The following ANO4 variants were observed in gnomAD, a reference collection of about 807,000 sequenced individuals.
The protein encoded by ANO4 is anoctamin-4.
Under a neutral mutation model 141.9 loss-of-function variants are expected in ANO4, and 69 were observed. That is an observed-to-expected ratio of 0.49 (90% CI 0.40 to 0.59). The LOEUF (loss-of-function observed/expected upper bound fraction) is 0.59. ANO4 is among the 20% of genes least tolerant of loss of function. The pLI is 0.00. For missense variants in ANO4, 894 were observed against 1,162.2 expected (o/e 0.77, Z 3.36); for synonymous variants, 350 against 394.3 (o/e 0.89, Z 1.33).
chr12:101,109,747 A>T (rs1246004106), intron 22 of ANO4, among the ~76,000 whole-genome samples: 4 of 152,140 alleles, frequency 2.6e-5, no homozygotes, highest in Admixed American at 2.6e-4. Flanking sequence ...GCCTACAAAA[A>T]TTATTACTGT....
At chr12:100,896,283 G>T (rs149811173) in intron 1 of ANO4, among the ~76,000 whole-genome samples, 1 of 152,116 alleles carries the variant, frequency 6.6e-6, no homozygotes, top group Non-Finnish European at 1.5e-5. Flanking sequence ...CACAACCAGC[G>T]TCCTTATAAG....
chr12:100,927,654 G>A (rs2136124424), intron 3 of ANO4, among the ~76,000 whole-genome samples: 1 of 152,186 alleles, frequency 6.6e-6, no homozygotes, highest in African/African-American at 2.4e-5. Flanking sequence ...GTCATTCAAA[G>A]GTTATACTGT....
At chr12:100,734,721 G>A (rs534851038) in intron 2 of ANO4, among the ~76,000 whole-genome samples, 46 of 152,282 alleles carry the variant, frequency 3.0e-4, no homozygotes, top group African/African-American at 4.3e-4. Context: ...ACACTATGCC[G>A]TGGCTTCTCA....
At chr12:100,870,729 A>G (rs1321215236) in intron 1 of ANO4, among the ~76,000 whole-genome samples, 2 of 152,174 alleles carry the variant, frequency 1.3e-5, no homozygotes, top group Non-Finnish European at 2.9e-5. Context: ...TAGTCCAGGA[A>G]ATCAATATCT....
intron 13 of ANO4, among the ~76,000 whole-genome samples, chr12:101,046,274 C>T (rs568853269): frequency 1.1e-4 from 17 of 152,312 alleles, no homozygotes; most frequent in African/African-American, 3.8e-4. Context: ...CCAGGTAGCA[C>T]CTGCTTTTCA....
chr12:100,864,873 T>C (rs1242000303), intron 1 of ANO4, among the ~76,000 whole-genome samples: 1 of 152,146 alleles, frequency 6.6e-6, no homozygotes, highest in African/African-American at 2.4e-5. Flanking sequence ...GTGTGTGATG[T>C]TCCCCTCCTT....
chr12:100,806,530 T>G (rs1181960740), intron 1 of ANO4, among the ~76,000 whole-genome samples: 1 of 30,714 alleles, frequency 3.3e-5, no homozygotes, highest in African/African-American at 2.2e-4. Context: ...TTTCGTTTTT[T>G]TTTTTTTTTT....
chr12:100,823,152 T>C (rs1251706312), intron 1 of ANO4, among the ~76,000 whole-genome samples: 1 of 152,084 alleles, frequency 6.6e-6, no homozygotes, highest in East Asian at 1.9e-4. Flanking sequence ...CCCTGTGTTA[T>C]GTAAATATTC....
At chr12:100,885,848 C>A (rs960082808) in intron 1 of ANO4, among the ~76,000 whole-genome samples, 2 of 152,180 alleles carry the variant, frequency 1.3e-5, no homozygotes, top group African/African-American at 4.8e-5. Context: ...GCAAAGAACT[C>A]CAGCTGGACG....
At chr12:100,972,787 T>A (rs2043986773) in intron 6 of ANO4, among the ~76,000 whole-genome samples, 1 of 152,084 alleles carries the variant, frequency 6.6e-6, no homozygotes, top group Non-Finnish European at 1.5e-5. Context: ...TACACCCCTC[T>A]CCAGTATAAA....
chr12:101,018,110 T>C (rs148851768), intron 8 of ANO4, among the ~76,000 whole-genome samples: 2,547 of 152,338 alleles, frequency 0.017, 54 homozygotes, highest in Non-Finnish European at 0.021. Context: ...TCATCTAGAA[T>C]TGTGAGGCAA....
At chr12:101,048,697 CA>C (rs983052912) in intron 14 of ANO4, among the ~76,000 whole-genome samples, 1 of 152,126 alleles carries the variant, frequency 6.6e-6, no homozygotes, top group East Asian at 1.9e-4. Context: ...TAGTTTAGGT[CA>C]GGGGAGAACT....
chr12:100,965,179 G>A (rs2043597488), intron 5 of ANO4, among the ~76,000 whole-genome samples: 1 of 152,120 alleles, frequency 6.6e-6, no homozygotes, highest in Non-Finnish European at 1.5e-5. Context: ...GACAGCTCCA[G>A]CCCCTCACTG....
At chr12:101,090,725 T>G (rs1387329091) in intron 17 of ANO4, among the ~76,000 whole-genome samples, 3 of 151,880 alleles carry the variant, frequency 2.0e-5, no homozygotes, top group African/African-American at 7.3e-5. Flanking sequence ...TGTGCACATG[T>G]ACCCTAGAAC....
At chr12:100,749,215 G>A (rs1365619704) in intron 3 of ANO4, among the ~76,000 whole-genome samples, 1 of 152,118 alleles carries the variant, frequency 6.6e-6, no homozygotes, top group Non-Finnish European at 1.5e-5. Context: ...AGGTATTGCC[G>A]CACAGGGTGG....
chr12:100,822,349 C>T (rs1162778292), intron 1 of ANO4, among the ~76,000 whole-genome samples: 1 of 151,944 alleles, frequency 6.6e-6, no homozygotes, highest in Non-Finnish European at 1.5e-5. Flanking sequence ...CCCAAAGTCC[C>T]AACTCGAGTC....
intron 14 of ANO4, among the ~76,000 whole-genome samples, chr12:101,076,195 G>A (rs2049019508): frequency 6.6e-6 from 1 of 152,050 alleles, no homozygotes; most frequent in African/African-American, 2.4e-5. Context: ...TTAGTAAGGG[G>A]GGCCTCTGGA....
At chr12:100,808,399 G>A (rs1386656171) in intron 1 of ANO4, among the ~76,000 whole-genome samples, 1 of 151,930 alleles carries the variant, frequency 6.6e-6, no homozygotes, top group East Asian at 1.9e-4. Flanking sequence ...TTTTAATGGG[G>A]GTGTTTTACT....
At chr12:100,903,496 G>A (rs1310059575) in intron 2 of ANO4, among the ~76,000 whole-genome samples, 1 of 152,120 alleles carries the variant, frequency 6.6e-6, no homozygotes, top group Admixed American at 6.5e-5. Context: ...TTGTGATCTG[G>A]CCCCTACTGC....
Sources: allele counts gnomAD v4.1 joint callset (sites outside exome capture counted in the v4.1 genomes callset), GRCh38; gene constraint gnomAD v4.1.1; transcripts MANE v1.5; gene names NCBI Gene and HGNC (gene_info 2026-07-23, HGNC 2026-07-21).